GOLPH3: variants seen among roughly 807,000 people sequenced by gnomAD.
GOLPH3 encodes coat protein GPP34.
In GOLPH3, 14 loss-of-function variants were observed where a neutral mutation model predicts 28.5. The observed-to-expected ratio is 0.49, with a 90% CI of 0.32 to 0.77. The LOEUF is 0.77. GOLPH3 is among the 30% of genes least tolerant of loss of function. The probability of loss-of-function intolerance (pLI) is 0.03; values close to 1 mark genes in which losing one functional copy is unlikely to be tolerated. For missense variants in GOLPH3, 350 were observed against 393.7 expected (o/e 0.89, Z 0.94); for synonymous variants, 158 against 159.2 (o/e 0.99, Z 0.06).
chr5:32,142,515 G>A (rs1282982866), intron 2 of GOLPH3, among the ~76,000 whole-genome samples: 4 of 144,566 alleles, frequency 2.8e-5, no homozygotes, highest in East Asian at 2.1e-4. Context: ...CCGTCCGGGA[G>A]GTGAGGGGCG....
intron 1 of GOLPH3, among the ~76,000 whole-genome samples, chr5:32,145,026 G>C (rs1407838229): frequency 1.3e-5 from 2 of 152,148 alleles, no homozygotes; most frequent in African/African-American, 4.8e-5. Context: ...AGAATGGAGG[G>C]CCCAGGATTA....
chr5:32,146,514 A>AT (rs935867372), intron 1 of GOLPH3, among the ~76,000 whole-genome samples: 3 of 152,104 alleles, frequency 2.0e-5, no homozygotes, highest in Non-Finnish European at 2.9e-5. Flanking sequence ...GGTATTGTTT[A>AT]TTAAGTCCCC....
chr5:32,170,716 C>G (rs1746813938), intron 1 of GOLPH3, among the ~76,000 whole-genome samples: 1 of 152,026 alleles, frequency 6.6e-6, no homozygotes, highest in East Asian at 1.9e-4. Flanking sequence ...GGGCGGATCA[C>G]TTGAGCCCAG....
intron 3 of GOLPH3, among the ~76,000 whole-genome samples, 183 bp downstream of exon 3, chr5:32,135,389 T>C (rs968190899): frequency 1.3e-5 from 2 of 152,214 alleles, no homozygotes; most frequent in Non-Finnish European, 2.9e-5. Context: ...CTGTTCAGTA[T>C]TGTTAAAGAG....
Position 32,173,915 on chromosome 5 carries a change from C to T in GOLPH3, c.120G>A (p.Ala40=). The change falls in exon 1 of 4, where the codon GCG becomes GCA. Residue 40 remains alanine, a synonymous_variant. Transcript: ENST00000265070. ...CGTCCTGCTCGTCGCGGCGGCTCTG[C>T]GCGTCGTCCTCGCTGCTGCCGGCGC... ...GGGAGSSEDD[A]QSRRDEQDDD... is the part of the protein sequence containing the mutation. 1 of 1,507,926 alleles carries T rather than the reference C, an allele frequency of 6.6e-7. No homozygotes were observed. The highest frequency in any genetic ancestry group is 8.8e-7 in the Non-Finnish European group (1 of 1,132,306). The allele number at this position is 1,507,926 out of a possible 1,614,324, so 93.4% of individuals were successfully genotyped here. A position where few individuals can be genotyped will look rare whatever the true frequency, so the allele number is the denominator to read the frequency against.
In GOLPH3 at chr5:32,126,310, T is replaced by C; in HGVS notation, c.799A>G (p.Arg267Gly). 1 of 1,614,176 alleles carries C rather than the reference T, an allele frequency of 6.2e-7. No homozygotes were observed. The highest frequency in any genetic ancestry group is 1.7e-5 in the Admixed American group (1 of 60,020). Residue 267 changes from arginine to glycine, a missense_variant, in exon 4 of 4, where the codon AGA becomes GGA. By Grantham distance (125) the Arg-to-Gly change is moderately radical (BLOSUM62 -2). Coordinates refer to ENST00000265070, the MANE Select transcript of GOLPH3 (RefSeq NM_022130.4). ...TCTAAGTCGAGAAGCTGCCGCACTC[T>C]CTTGGTAGCCAAATCATACTGCTCG... ...LDEQYDLATKRVRQLLDLDPE... is the reference protein window; with the variant it reads ...LDEQYDLATKGVRQLLDLDPE...
chr5:32,140,798 T>A, intron 2 of GOLPH3, among the ~76,000 whole-genome samples: 1 of 137,382 alleles, frequency 7.3e-6, no homozygotes. Flanking sequence ...TGAGACTCTG[T>A]CTCCAAAAAA....
At chr5:32,162,938 T>C (rs547249697) in intron 1 of GOLPH3, among the ~76,000 whole-genome samples, 18 of 151,558 alleles carry the variant, frequency 1.2e-4, no homozygotes, top group African/African-American at 3.4e-4. Context: ...ATTAGCCGGG[T>C]GTGGTGGCAG....
At chr5:32,154,697 C>A (rs978716398) in intron 1 of GOLPH3, among the ~76,000 whole-genome samples, 1 of 152,196 alleles carries the variant, frequency 6.6e-6, no homozygotes, top group Non-Finnish European at 1.5e-5. Context: ...GCAGATAGGT[C>A]TGTCACCAAA....
chr5:32,150,920 T>C (rs1346942170), intron 1 of GOLPH3, among the ~76,000 whole-genome samples: 8 of 152,198 alleles, frequency 5.3e-5, no homozygotes, highest in African/African-American at 1.9e-4. Flanking sequence ...GACAACCAGA[T>C]AGTCATTAGG....
intron 1 of GOLPH3, among the ~76,000 whole-genome samples, chr5:32,144,839 A>G (rs1277093844): frequency 2.0e-5 from 3 of 152,256 alleles, no homozygotes; most frequent in African/African-American, 7.2e-5. Context: ...ACACTTTAAC[A>G]GCAAACAACT....
rs1397878745 is a variant in GOLPH3, at chr5:32,174,287, A to AAGGCGG, written c.-259_-254dup. ...CAGTCCCCGAAACACCCCGAGCTCC[A>AAGGCGG]AGGCGGAGGCGGCGGCGGCGCCTTT... On this transcript the variant is annotated 5_prime_UTR_variant, in exon 1 of 4. Coordinates refer to ENST00000265070, the MANE Select transcript of GOLPH3 (RefSeq NM_022130.4). 3.5e-5 allele frequency: 12 copies of AAGGCGG among 338,294 alleles called. No individual in the cohort carries two copies. Among genetic ancestry groups the AAGGCGG allele is most frequent in the Non-Finnish European group, 1.6e-5 (3 of 188,072 alleles). 21.0% of individuals were successfully genotyped at this position (338,294 alleles called of 1,614,324 possible).
At chr5:32,150,238 G>A (rs1746274164) in intron 1 of GOLPH3, among the ~76,000 whole-genome samples, 1 of 151,862 alleles carries the variant, frequency 6.6e-6, no homozygotes, top group African/African-American at 2.4e-5. Flanking sequence ...AAACCTATAT[G>A]AAAAGTTTAA....
intron 1 of GOLPH3, among the ~76,000 whole-genome samples, chr5:32,152,172 G>A (rs1561673617): frequency 6.6e-6 from 1 of 151,572 alleles, no homozygotes; most frequent in East Asian, 2.0e-4. Flanking sequence ...TGTTGCCCAG[G>A]CTGGAGTGCA....
At chr5:32,130,381 T>G (rs898886049) in intron 3 of GOLPH3, among the ~76,000 whole-genome samples, 1 of 152,202 alleles carries the variant, frequency 6.6e-6, no homozygotes, top group African/African-American at 2.4e-5. Context: ...TACAGTTCAA[T>G]CCTAAGATTA....
chr5:32,140,476 C>A (rs1426955821), intron 2 of GOLPH3, among the ~76,000 whole-genome samples: 4 of 151,718 alleles, frequency 2.6e-5, no homozygotes, highest in Non-Finnish European at 5.9e-5. Context: ...ATGGTGAAAC[C>A]CCATCTCTAC....
intron 1 of GOLPH3, among the ~76,000 whole-genome samples, chr5:32,148,220 C>T (rs1746220385): frequency 6.6e-6 from 1 of 152,134 alleles, no homozygotes; most frequent in East Asian, 1.9e-4. Context: ...GCAGAAACGT[C>T]CGTTTCTATA....
intron 1 of GOLPH3, among the ~76,000 whole-genome samples, chr5:32,167,210 C>T (rs531543901): frequency 7.2e-4 from 110 of 152,270 alleles, no homozygotes; most frequent in African/African-American, 2.6e-3. Context: ...CCACTCTTGT[C>T]GCCCAGGCTG....
chr5:32,162,005 C>G (rs188844004), intron 1 of GOLPH3, among the ~76,000 whole-genome samples: 2 of 148,640 alleles, frequency 1.3e-5, no homozygotes, highest in Non-Finnish European at 1.5e-5. Flanking sequence ...CCAGCCTGGG[C>G]GACAGAGCGA....
Sources: allele counts gnomAD v4.1 joint callset (sites outside exome capture counted in the v4.1 genomes callset), GRCh38; gene constraint gnomAD v4.1.1; transcripts MANE v1.5; gene names NCBI Gene and HGNC (gene_info 2026-07-23, HGNC 2026-07-21).